The following WWOX variants were observed in gnomAD, a reference collection of about 807,000 sequenced individuals.
WWOX encodes WW domain containing oxidoreductase.
In WWOX, 69 loss-of-function variants were observed where a neutral mutation model predicts 46.2. That is an observed-to-expected ratio of 1.49 (90% CI 1.23 to 1.82). The LOEUF (loss-of-function observed/expected upper bound fraction) is 1.82, where lower values mean the gene tolerates loss of function less well. WWOX is among the 40% of genes most tolerant of loss of function. WWOX has a pLI of 0.00. For missense variants in WWOX, 919 were observed against 542.6 expected (o/e 1.69, Z -6.89); for synonymous variants, 359 against 202.6 (o/e 1.77, Z -6.56).
chr16:79,211,557 C>A, intron 8 of WWOX, 51 bp from the exon 9 acceptor site: 2 of 1,612,308 alleles, frequency 1.2e-6, no homozygotes, highest in South Asian at 2.2e-5. Flanking sequence ...GACGCCATCT[C>A]ATCACTCCTT....
At chr16:78,868,743 C>T (rs181451040) in intron 8 of WWOX, among the ~76,000 whole-genome samples, 22 of 152,260 alleles carry the variant, frequency 1.4e-4, no homozygotes, top group Middle Eastern at 3.4e-3. Flanking sequence ...TAGGCTCTGG[C>T]TCACTATATA....
chr16:78,661,113 A>G (rs2047200431), intron 8 of WWOX, among the ~76,000 whole-genome samples: 1 of 152,194 alleles, frequency 6.6e-6, no homozygotes, highest in African/African-American at 2.4e-5. Context: ...AAGTGGTGGA[A>G]CAAAGGCACT....
chr16:78,772,809 A>G (rs945089734), intron 8 of WWOX, among the ~76,000 whole-genome samples: 2 of 152,178 alleles, frequency 1.3e-5, no homozygotes, highest in African/African-American at 4.8e-5. Flanking sequence ...GCTTGAGCTC[A>G]GAAGTTTGAG....
chr16:78,625,835 C>G (rs930813800), intron 8 of WWOX, among the ~76,000 whole-genome samples: 1 of 144,444 alleles, frequency 6.9e-6, no homozygotes, highest in Non-Finnish European at 1.5e-5. Context: ...ATGGCAATTG[C>G]GGTTTTTGCC....
At chr16:78,687,259 A>C (rs143069869) in intron 8 of WWOX, among the ~76,000 whole-genome samples, 10 of 152,208 alleles carry the variant, frequency 6.6e-5, no homozygotes, top group Non-Finnish European at 1.3e-4. Flanking sequence ...TATGAACCCA[A>C]TATGTTCTTA....
chr16:79,026,733 T>G (rs2047650975), intron 8 of WWOX, among the ~76,000 whole-genome samples: 1 of 145,738 alleles, frequency 6.9e-6, no homozygotes, highest in South Asian at 2.3e-4. Context: ...TTTTCCTGCC[T>G]CAGCGTCCCA....
chr16:78,416,461 T>A (rs1037500133), intron 6 of WWOX, among the ~76,000 whole-genome samples: 1 of 152,210 alleles, frequency 6.6e-6, no homozygotes, highest in Non-Finnish European at 1.5e-5. Context: ...AGGATACATA[T>A]TTTGCCTCTG....
chr16:79,025,762 TC>T (rs1311818692), intron 8 of WWOX, among the ~76,000 whole-genome samples: 5 of 148,158 alleles, frequency 3.4e-5, no homozygotes, highest in African/African-American at 1.2e-4. Flanking sequence ...TCATCCTTCA[TC>T]TCCCCTGTTG....
chr16:78,477,778 G>A (rs59277529), intron 8 of WWOX, among the ~76,000 whole-genome samples: 1,525 of 152,208 alleles, frequency 0.01, 29 homozygotes, highest in African/African-American at 0.035. Context: ...ATTGTAGAAG[G>A]AGAGAATTAT....
At chr16:78,970,587 A>G (rs1189198861) in intron 8 of WWOX, among the ~76,000 whole-genome samples, 2 of 152,220 alleles carry the variant, frequency 1.3e-5, no homozygotes, top group Admixed American at 1.3e-4. Flanking sequence ...AAGACATTCA[A>G]GGTAGAAGGA....
At chr16:78,929,375 C>A (rs76270030) in intron 8 of WWOX, among the ~76,000 whole-genome samples, 1 of 151,736 alleles carries the variant, frequency 6.6e-6, no homozygotes, top group Admixed American at 6.6e-5. Flanking sequence ...CTCCTGCTTG[C>A]CTTATTTTTA....
chr16:78,403,748 C>T (rs1597174129), intron 6 of WWOX, among the ~76,000 whole-genome samples: 1 of 152,340 alleles, frequency 6.6e-6, no homozygotes, highest in Non-Finnish European at 1.5e-5. Context: ...ACAAAGTTTT[C>T]AGTTGTAAGA....
intron 8 of WWOX, among the ~76,000 whole-genome samples, chr16:78,861,889 G>T (rs192580404): frequency 1.3e-5 from 2 of 152,294 alleles, no homozygotes; most frequent in African/African-American, 4.8e-5. Context: ...GTAATATCCA[G>T]TGCAAGGCTA....
rs146627255 is a variant in WWOX at position 78,489,732 on chromosome 16, G to A, written c.1056+56980G>A. Among the ~76,000 whole-genome samples the A allele has an allele frequency of 7.0e-4, 106 of 152,222 alleles. 1 individual carries two copies. Among genetic ancestry groups the A allele is most frequent in the African/African-American group, 2.4e-3 (99 of 41,542 alleles). ...GGCATGATGGCAAGATGCCGTTCTG[G>A]GTTCACTGGGATGGCTCAAGGGGAG... On this transcript the variant is annotated intron_variant, in intron 8 of 8. Coordinates refer to ENST00000566780, the MANE Select transcript of WWOX (RefSeq NM_016373.4).
chr16:78,152,350 G>A (rs945806819), intron 4 of WWOX, among the ~76,000 whole-genome samples: 2 of 151,754 alleles, frequency 1.3e-5, no homozygotes, highest in Admixed American at 6.6e-5. Context: ...GCAGTCTGTC[G>A]TAGATAATGC....
At chr16:79,126,931 T>C (rs1368160784) in intron 8 of WWOX, among the ~76,000 whole-genome samples, 2 of 152,064 alleles carry the variant, frequency 1.3e-5, no homozygotes, top group East Asian at 3.9e-4. Flanking sequence ...GAGTGGGAAG[T>C]AATTTATGTA....
At chr16:79,134,219 C>G (rs925028186) in intron 8 of WWOX, among the ~76,000 whole-genome samples, 3 of 151,708 alleles carry the variant, frequency 2.0e-5, no homozygotes, top group African/African-American at 7.3e-5. Flanking sequence ...AGAAAGAATC[C>G]AATTTGTTAT....
intron 8 of WWOX, among the ~76,000 whole-genome samples, chr16:79,037,230 G>C (rs67991121): frequency 3.3e-5 from 5 of 151,928 alleles, no homozygotes; most frequent in African/African-American, 7.3e-5. Context: ...TCATTTGTTC[G>C]TTCTCTCTCT....
At chr16:78,335,188 G>C (rs1200100220) in intron 5 of WWOX, among the ~76,000 whole-genome samples, 1 of 152,142 alleles carries the variant, frequency 6.6e-6, no homozygotes, top group Non-Finnish European at 1.5e-5. Context: ...TGTTACATAG[G>C]TAATCATCTG....
Sources: gnomAD v4.1 joint callset for allele counts (sites outside exome capture counted in the v4.1 genomes callset) on GRCh38, gnomAD v4.1.1 for gene constraint, MANE v1.5 for transcripts, NCBI Gene and HGNC (gene_info 2026-07-23, HGNC 2026-07-21) for gene names.